NSMCE2: variants seen among roughly 807,000 people sequenced by gnomAD.
NSMCE2 encodes NSE2 SUMO ligase component of SMC5/6 complex.
Under a neutral mutation model 23.8 loss-of-function variants are expected in NSMCE2, and 24 were observed. That is an observed-to-expected ratio of 1.01 (90% CI 0.73 to 1.42). The LOEUF is 1.42. NSMCE2 is among the 40% of genes most tolerant of loss of function. The pLI, the probability that NSMCE2 is intolerant of heterozygous loss-of-function variation, is 0.00. For missense variants in NSMCE2, 284 were observed against 296.5 expected, an observed-to-expected ratio of 0.96 and a Z score of 0.31; for synonymous variants, 92 against 94.1, an observed-to-expected ratio of 0.98 and a Z score of 0.13.
intron 4 of NSMCE2, among the ~76,000 whole-genome samples, chr8:125,173,376 G>A (rs900339089): frequency 1.3e-5 from 2 of 152,156 alleles, no homozygotes; most frequent in Non-Finnish European, 2.9e-5. Flanking sequence ...TGGTTACTGG[G>A]CCCTGTATTA....
chr8:125,357,285 A>C lies in NSMCE2; in HGVS notation c.485A>C (p.Gln162Pro). The change falls in exon 6 of 8, where the codon CAA becomes CCA. Residue 162 changes from glutamine (Q) to proline (P), a missense_variant. By Grantham distance (76) the Gln-to-Pro change is moderately conservative (BLOSUM62 -1). Around this residue, in one of 2 missense-constraint regions of NSMCE2, gnomAD observed 102 missense variants for 141.0 expected, o/e 0.72. Coordinates refer to ENST00000287437, the MANE Select transcript of NSMCE2 (RefSeq NM_173685.4). ...EGVDEDIIVT[Q>P]SQTNFTCPIT... ...GTGGATGAAGATATAATTGTGACCC[A>C]AAGTCAGACCAACTTCACCTGCCCC... The C allele has an allele frequency of 6.2e-7, 1 of 1,613,428 alleles. No individual in the cohort carries two copies. The highest frequency in any genetic ancestry group is 8.5e-7 in the Non-Finnish European group (1 of 1,179,342).
At chr8:125,186,005 A>G (rs1164017764) in intron 5 of NSMCE2, among the ~76,000 whole-genome samples, 4 of 151,954 alleles carry the variant, frequency 2.6e-5, no homozygotes, top group Non-Finnish European at 5.9e-5. Context: ...CACTTTGACA[A>G]CTCTAGATCT....
At chr8:125,176,276 C>G (rs533941481) in intron 4 of NSMCE2, among the ~76,000 whole-genome samples, 1 of 152,314 alleles carries the variant, frequency 6.6e-6, no homozygotes, top group South Asian at 2.1e-4. Context: ...ACTCAAAAAT[C>G]TAATGCACAC....
intron 5 of NSMCE2, among the ~76,000 whole-genome samples, chr8:125,224,098 A>G (rs1432165280): frequency 6.6e-6 from 1 of 152,076 alleles, no homozygotes; most frequent in African/African-American, 2.4e-5. Flanking sequence ...AGCCTCCCAA[A>G]GTGCTGGGAT....
intron 4 of NSMCE2, among the ~76,000 whole-genome samples, chr8:125,158,359 C>G (rs1821430875): frequency 6.6e-6 from 1 of 152,072 alleles, no homozygotes; most frequent in Non-Finnish European, 1.5e-5. Flanking sequence ...AAAGAAGACC[C>G]CTCTGTGCAG....
At chr8:125,235,645 A>T (rs1473430739) in intron 5 of NSMCE2, among the ~76,000 whole-genome samples, 1 of 152,250 alleles carries the variant, frequency 6.6e-6, no homozygotes, top group African/African-American at 2.4e-5. Flanking sequence ...AAATCTTTCC[A>T]TGTCAGTGAA....
intron 4 of NSMCE2, among the ~76,000 whole-genome samples, chr8:125,162,058 A>G (rs1458057623): frequency 6.6e-6 from 1 of 152,122 alleles, no homozygotes; most frequent in African/African-American, 2.4e-5. Flanking sequence ...CCTATATGGA[A>G]CAGAAGCCCA....
intron 3 of NSMCE2, among the ~76,000 whole-genome samples, chr8:125,114,265 T>C (rs1818892705): frequency 6.6e-6 from 1 of 152,234 alleles, no homozygotes; most frequent in Non-Finnish European, 1.5e-5. Flanking sequence ...ATTTATTGTC[T>C]GTGTCTGCCC....
chr8:125,331,818 A>T (rs2131300321), intron 5 of NSMCE2, among the ~76,000 whole-genome samples: 1 of 152,308 alleles, frequency 6.6e-6, no homozygotes, highest in East Asian at 1.9e-4. Flanking sequence ...TTGCAATCAC[A>T]AATTTACTTT....
intron 5 of NSMCE2, among the ~76,000 whole-genome samples, chr8:125,231,767 C>T (rs1348677328): frequency 6.6e-6 from 1 of 151,948 alleles, no homozygotes; most frequent in East Asian, 1.9e-4. Flanking sequence ...TTTGGGAAAA[C>T]ACTTAACTGT....
chr8:125,115,628 G>A (rs1346723099), intron 3 of NSMCE2, among the ~76,000 whole-genome samples: 1 of 152,172 alleles, frequency 6.6e-6, no homozygotes, highest in Non-Finnish European at 1.5e-5. Flanking sequence ...GCAGATGTGT[G>A]TAATCCCAGC....
chr8:125,213,667 TTCTCTCTTTCTC>T (rs1824451382), intron 5 of NSMCE2, among the ~76,000 whole-genome samples: 1 of 148,060 alleles, frequency 6.8e-6, no homozygotes, highest in Admixed American at 6.7e-5. Context: ...TTCTCTCTCT[TTCTCTCTTTCTC>T]TCTCTCTTTC....
At chr8:125,268,390 G>C (rs1827033005) in intron 5 of NSMCE2, among the ~76,000 whole-genome samples, 1 of 152,086 alleles carries the variant, frequency 6.6e-6, no homozygotes, top group African/African-American at 2.4e-5. Context: ...AAAAAAAAGA[G>C]AAAAGGATCC....
chr8:125,318,512 T>C (rs1221986911), intron 5 of NSMCE2, among the ~76,000 whole-genome samples: 4 of 152,216 alleles, frequency 2.6e-5, no homozygotes, highest in Admixed American at 2.0e-4. Context: ...TTAAATAATT[T>C]ATTCAACATG....
intron 5 of NSMCE2, among the ~76,000 whole-genome samples, chr8:125,321,393 A>G (rs1829452711): frequency 6.6e-6 from 1 of 152,196 alleles, no homozygotes; most frequent in South Asian, 2.1e-4. Context: ...ATGGAATTAT[A>G]CTGTTTTAAG....
chr8:125,200,911 A>G (rs1823842249), intron 5 of NSMCE2, among the ~76,000 whole-genome samples: 1 of 151,898 alleles, frequency 6.6e-6, no homozygotes, highest in Non-Finnish European at 1.5e-5. Flanking sequence ...GCTTTATTTC[A>G]TTAATTTGAT....
At chr8:125,303,027 G>A (rs373420876) in intron 5 of NSMCE2, among the ~76,000 whole-genome samples, 16 of 152,164 alleles carry the variant, frequency 1.1e-4, no homozygotes, top group Non-Finnish European at 1.9e-4. Context: ...CTTCTGTTTC[G>A]CAAGCGGAGA....
intron 5 of NSMCE2, among the ~76,000 whole-genome samples, chr8:125,265,758 A>G (rs1371413243): frequency 6.6e-6 from 1 of 152,102 alleles, no homozygotes; most frequent in Non-Finnish European, 1.5e-5. Flanking sequence ...TCATCATACC[A>G]CATAGCCACT....
At chr8:125,357,970 A>G (rs1252850076) in intron 7 of NSMCE2, 152 bp downstream of exon 7, 2 of 628,678 alleles carry the variant, frequency 3.2e-6, no homozygotes, top group African/African-American at 3.7e-5. Flanking sequence ...CTTTCTGGAA[A>G]AACAATACAT....
Sources: gnomAD v4.1 joint callset for allele counts (sites outside exome capture counted in the v4.1 genomes callset) on GRCh38, gnomAD v4.1.1 for gene constraint, gnomAD v4.1.1 regional missense constraint, MANE v1.5 for transcripts, NCBI Gene and HGNC (gene_info 2026-07-23, HGNC 2026-07-21) for gene names.